Variants in VAV1 observed in about 807,000 individuals in gnomAD.
The protein encoded by VAV1 is vav guanine nucleotide exchange factor 1.
A neutral mutation model predicts 128.1 loss-of-function variants in VAV1; 33 were observed. That is an observed-to-expected ratio of 0.26 (90% confidence interval 0.20 to 0.34). The LOEUF (loss-of-function observed/expected upper bound fraction) is 0.34. VAV1 is among the 10% of genes least tolerant of loss of function. The probability of loss-of-function intolerance (pLI) is 1.00; values close to 1 mark genes in which losing one functional copy is unlikely to be tolerated. For synonymous variants in VAV1, 394 were observed against 409.8 expected, an observed-to-expected ratio of 0.96 and a Z score of 0.47; for missense variants, 715 against 1,093.7, an observed-to-expected ratio of 0.65 and a Z score of 4.88.
intron 23 of VAV1, 22 bp from the exon 24 acceptor site, chr19:6,850,644 AGGGC>A: frequency 6.2e-7 from 1 of 1,605,254 alleles, no homozygotes; most frequent in Non-Finnish European, 8.5e-7. Flanking sequence ...CCCCAGACTC[AGGGC>A]CCGGTGACCA....
chr19:6,853,922 T>C (rs959498665), intron 25 of VAV1, 25 bp from the exon 26 acceptor site: 66 of 1,603,090 alleles, frequency 4.1e-5, no homozygotes, highest in Non-Finnish European at 5.6e-5. Flanking sequence ...CAGACCCTTT[T>C]CTCACTTCTG....
chr19:6,821,714 C>A (rs1316892495), intron 3 of VAV1, 34 bp downstream of exon 3: 1 of 1,613,954 alleles, frequency 6.2e-7, no homozygotes, highest in African/African-American at 1.3e-5. Context: ...GCCATTTAGC[C>A]CCAGTCCTCC....
intron 1 of VAV1, among the ~76,000 whole-genome samples, chr19:6,781,804 C>T (rs1369436266): frequency 6.6e-6 from 1 of 152,042 alleles, no homozygotes; most frequent in East Asian, 1.9e-4. Flanking sequence ...GACAGGGTTT[C>T]GCCATGTTGG....
chr19:6,778,008 C>G (rs1970681884), intron 1 of VAV1, among the ~76,000 whole-genome samples: 1 of 152,106 alleles, frequency 6.6e-6, no homozygotes. Flanking sequence ...ATGATCTTGG[C>G]TCACTGCAAC....
intron 1 of VAV1, among the ~76,000 whole-genome samples, chr19:6,810,647 G>A (rs1289908652): frequency 1.3e-5 from 2 of 152,118 alleles, no homozygotes; most frequent in African/African-American, 2.4e-5. Flanking sequence ...GGAGGTTGCA[G>A]TGAGCTGAGA....
chr19:6,809,446 G>A (rs1441023767), intron 1 of VAV1, among the ~76,000 whole-genome samples: 3 of 152,142 alleles, frequency 2.0e-5, no homozygotes, highest in Non-Finnish European at 4.4e-5. Context: ...TCAGGGCAGA[G>A]GCAACCTTAT....
In VAV1 at chr19:6,820,608, C is replaced by T; in HGVS notation, c.205-94C>T. The T allele has an allele frequency of 3.3e-6, 3 of 912,798 alleles. No individual in the cohort carries two copies. Among genetic ancestry groups the T allele is most frequent in the South Asian group, 2.8e-5 (2 of 71,154 alleles). 56.5% of individuals were successfully genotyped at this position (912,798 alleles called of 1,614,324 possible). On this transcript the variant is annotated intron_variant, in intron 1 of 26. Transcript: ENST00000602142. This position sits in a 1 kb window ranked among gnomAD's most constrained non-coding sequence, Gnocchi z 4.4. The stretch of plus-strand genomic sequence containing the variant: ...GAAGAGGGTCTGTGCTTTCATTTCC[C>T]CTCCACACCAGTCCCCAAGCTAGGT...
At chr19:6,847,745 G>A (rs896690646) in intron 22 of VAV1, among the ~76,000 whole-genome samples, 5 of 152,094 alleles carry the variant, frequency 3.3e-5, no homozygotes, top group African/African-American at 1.2e-4. Flanking sequence ...CAGACCCAAA[G>A]GGCTGAGCCA....
intron 1 of VAV1, among the ~76,000 whole-genome samples, chr19:6,800,766 C>T (rs548273582): frequency 1.1e-4 from 17 of 148,328 alleles, no homozygotes; most frequent in South Asian, 8.9e-4. Flanking sequence ...GGATTACAGG[C>T]GCCTGTCACC....
At position 6,829,732 on chromosome 19, in the gene VAV1, C is replaced by T. The variant is rs2144785096; in HGVS notation, c.1266-54C>T. On this transcript the variant is annotated intron_variant, in intron 13 of 26. Coordinates refer to ENST00000602142, the MANE Select transcript of VAV1 (RefSeq NM_005428.4). ...GGATGTGGAGGAACTGGTCAGAGGG[C>T]TGATGGGGACAGTTGGGAAGAGCCA... 1.9e-6 allele frequency: 3 copies of T among 1,605,338 alleles called. No homozygotes were observed. The East Asian group carries it at 6.7e-5, about 36-fold the overall frequency.
At chr19:6,799,690 A>G (rs187685888) in intron 1 of VAV1, among the ~76,000 whole-genome samples, 73 of 151,932 alleles carry the variant, frequency 4.8e-4, no homozygotes, top group African/African-American at 1.7e-3. Flanking sequence ...ATCATGAATC[A>G]AGTTGCTAGC....
chr19:6,796,318 C>T (rs1971134583), intron 1 of VAV1, among the ~76,000 whole-genome samples: 1 of 150,120 alleles, frequency 6.7e-6, no homozygotes, highest in Non-Finnish European at 1.5e-5. Context: ...TTTATAGGGA[C>T]CCCGGGAGAT....
chr19:6,800,725 G>A (rs752287565), intron 1 of VAV1, among the ~76,000 whole-genome samples: 1 of 151,974 alleles, frequency 6.6e-6, no homozygotes, highest in Non-Finnish European at 1.5e-5. Context: ...GGGTTCAAGC[G>A]ATTCTCCTGC....
At chr19:6,834,709 A>C (rs1021109448) in intron 19 of VAV1, among the ~76,000 whole-genome samples, 1 of 146,984 alleles carries the variant, frequency 6.8e-6, no homozygotes, top group East Asian at 1.9e-4. Context: ...ATGTATATAT[A>C]ATATATCTTT....
chr19:6,853,699 C>G (rs992386295), intron 25 of VAV1, among the ~76,000 whole-genome samples: 1 of 151,654 alleles, frequency 6.6e-6, no homozygotes, highest in Non-Finnish European at 1.5e-5. Context: ...CCACCGCACT[C>G]CAGTCTGGGT....
intron 9 of VAV1, among the ~76,000 whole-genome samples, chr19:6,827,578 C>T (rs1971948999): frequency 6.6e-6 from 1 of 151,848 alleles, no homozygotes; most frequent in South Asian, 2.1e-4. Context: ...CCAGCCTCTT[C>T]CCATTGCTTT....
intron 14 of VAV1, among the ~76,000 whole-genome samples, chr19:6,830,251 G>A (rs897950272): frequency 6.6e-6 from 1 of 151,674 alleles, no homozygotes; most frequent in Non-Finnish European, 1.5e-5. Flanking sequence ...TAGAGACAGG[G>A]TTTCACCATG....
Position 6,820,954 on chromosome 19 carries a change from G to A in VAV1, c.321+136G>A, listed in dbSNP as rs1167692609. On this transcript the variant is annotated intron_variant, in intron 2 of 26. Coordinates refer to ENST00000602142, the MANE Select transcript of VAV1 (RefSeq NM_005428.4). This position sits in a 1 kb window ranked among gnomAD's most constrained non-coding sequence, Gnocchi z 4.4. ...CATATACAAGACGCAAATAGCACTG[G>A]CTTGGGATATGTGGAACTGGGTTTG... is the stretch of plus-strand genomic sequence containing the variant. 5.1e-6 allele frequency: 4 copies of A among 786,726 alleles called. No homozygotes were observed. Among genetic ancestry groups the A allele is most frequent in the Non-Finnish European group, 8.6e-6 (4 of 467,404 alleles). 48.7% of individuals were successfully genotyped at this position (786,726 alleles called of 1,614,324 possible). A position where few individuals can be genotyped will look rare whatever the true frequency, so the allele number is the denominator to read the frequency against.
rs1971349190 is a variant in VAV1 at position 6,804,708 on chromosome 19, T to G, written c.205-15994T>G. Among the ~76,000 whole-genome samples the G allele has an allele frequency of 2.7e-5, 4 of 145,888 alleles. No homozygotes were observed. The South Asian group carries it at 6.6e-4, about 24-fold the overall frequency. On this transcript the variant is annotated intron_variant, in intron 1 of 26. Coordinates refer to ENST00000602142, the MANE Select transcript of VAV1 (RefSeq NM_005428.4). Reference sequence around the variant, plus strand: ...CTGGGATTACAGGCATGAACCACTGTGCCCTTCCCATACCTCCTTTTTTTT... The same window carrying G: ...CTGGGATTACAGGCATGAACCACTGGGCCCTTCCCATACCTCCTTTTTTTT...
Sources: allele counts gnomAD v4.1 joint callset (sites outside exome capture counted in the v4.1 genomes callset), GRCh38; gene constraint gnomAD v4.1.1; non-coding constraint Gnocchi (gnomAD v3.1); transcripts MANE v1.5; gene names NCBI Gene and HGNC (gene_info 2026-07-23, HGNC 2026-07-21).